Variants in SLC17A1 observed in about 807,000 individuals in gnomAD.
The protein encoded by SLC17A1 is sodium-dependent phosphate transport protein 1.
SLC17A1 carries 51 observed loss-of-function variants against 53.5 expected under a neutral mutation model. That is an observed-to-expected ratio of 0.95 (90% confidence interval 0.76 to 1.20). SLC17A1 has a LOEUF of 1.20. Among genes scored for constraint, SLC17A1 ranks in the 50% most tolerant of loss-of-function variants. SLC17A1 has a pLI of 0.00. For synonymous variants in SLC17A1, 179 were observed against 198.8 expected, an observed-to-expected ratio of 0.90 and a Z score of 0.84; for missense variants, 538 against 568.2, an observed-to-expected ratio of 0.95 and a Z score of 0.54.
chr6:25,777,709 C>T, the SLC17A1 span: 3 of 461,010 alleles, frequency 6.5e-6, no homozygotes, highest in Non-Finnish European at 1.2e-5. Context: ...CAGTCCCTAG[C>T]ACAGGATTAT....
At chr6:25,820,756 G>A (rs191661266) in intron 3 of SLC17A1, among the ~76,000 whole-genome samples, 5 of 151,918 alleles carry the variant, frequency 3.3e-5, no homozygotes, top group Non-Finnish European at 4.4e-5. Context: ...AAAATTAGCC[G>A]GGCGTGGTTG....
chr6:25,789,799 T>A (rs1240483718), intron 12 of SLC17A1, among the ~76,000 whole-genome samples: 2 of 151,906 alleles, frequency 1.3e-5, no homozygotes, highest in Non-Finnish European at 2.9e-5. Flanking sequence ...AAATGCAACA[T>A]GAAATTCTGA....
chr6:25,724,248 A>G, the SLC17A1 span, among the ~76,000 whole-genome samples: 1 of 152,136 alleles, frequency 6.6e-6, no homozygotes, highest in African/African-American at 2.4e-5. Context: ...ACATGGCGAA[A>G]CCCTGTCTCT....
rs1001450002 is a variant in SLC17A1, at chr6:25,782,989, G to A, written c.*232C>T. The A allele has an allele frequency of 6.6e-6, 1 of 152,178 alleles. No individual in the cohort carries two copies. Among genetic ancestry groups the A allele is most frequent in the African/African-American group, 2.4e-5 (1 of 41,428 alleles). 9.4% of individuals were successfully genotyped at this position (152,178 alleles called of 1,614,324 possible). ...CAACTGATGCAGAGAGGAAGACTGA[G>A]ATAAATCACCACCCCCATTTAAAAT... On this transcript the variant is annotated 3_prime_UTR_variant, in exon 13 of 13. Transcript: ENST00000244527.
chr6:25,732,205 G>T, the SLC17A1 span: 1 of 357,656 alleles, frequency 2.8e-6, no homozygotes, highest in South Asian at 3.0e-5. Flanking sequence ...ACTGATGTTT[G>T]ACTGGAGTGA....
chr6:25,802,851 C>A (rs574882244), intron 10 of SLC17A1, among the ~76,000 whole-genome samples: 7 of 149,904 alleles, frequency 4.7e-5, no homozygotes, highest in Non-Finnish European at 7.4e-5. Flanking sequence ...TTAGCAGTTT[C>A]ACTAGATAGG....
chr6:25,818,413 C>T (rs1764434393), intron 6 of SLC17A1, among the ~76,000 whole-genome samples: 2 of 152,172 alleles, frequency 1.3e-5, no homozygotes, highest in Admixed American at 1.3e-4. Context: ...CCTAGAATTT[C>T]ACCGGATCTC....
At chr6:25,819,946 C>T in intron 3 of SLC17A1, 31 bp from the exon 4 acceptor site, 1 of 1,418,052 alleles carries the variant, frequency 7.1e-7, no homozygotes, top group Non-Finnish European at 9.7e-7. Context: ...TGTCGAATCA[C>T]TCTGCATATC....
rs34669145 is a variant in SLC17A1, at chr6:25,802,935, C to CTTTTTTTTTTTTTTTTTT, written c.1179-1973_1179-1956dup. 8.2e-4 allele frequency among the ~76,000 whole-genome samples: 38 copies of CTTTTTTTTTTTTTTTTTT among 46,096 alleles called. 7 individuals are homozygous for CTTTTTTTTTTTTTTTTTT. Among genetic ancestry groups the CTTTTTTTTTTTTTTTTTT allele is most frequent in the African/African-American group, 3.0e-3 (33 of 11,108 alleles). The allele number at this position is 46,096 out of a possible 152,430, so 30.2% of individuals were successfully genotyped here. The stretch of plus-strand genomic sequence containing the variant: ...ATGACGTTTTAACGACTATCTTCTT[C>CTTTTTTTTTTTTTTTTTT]TTTTTTTTTTTTTTTTTTTTTTTTT... On this transcript the variant is annotated intron_variant, in intron 10 of 12. Coordinates refer to ENST00000244527, the MANE Select transcript of SLC17A1 (RefSeq NM_005074.5).
At chr6:25,735,852 A>G in the SLC17A1 span, among the ~76,000 whole-genome samples, 1 of 152,206 alleles carries the variant, frequency 6.6e-6, no homozygotes, top group African/African-American at 2.4e-5. Flanking sequence ...AGGTTTAATC[A>G]ATAAAGGAAC....
At chr6:25,803,973 T>C (rs759410013) in intron 10 of SLC17A1, among the ~76,000 whole-genome samples, 24 of 152,178 alleles carry the variant, frequency 1.6e-4, no homozygotes, top group Non-Finnish European at 2.1e-4. Flanking sequence ...GATATTGAAA[T>C]TCAACTGTCT....
chr6:25,761,536 T>C, the SLC17A1 span, among the ~76,000 whole-genome samples: 2 of 152,182 alleles, frequency 1.3e-5, no homozygotes, highest in African/African-American at 4.8e-5. Context: ...TATGTATAGG[T>C]GTTTATAATA....
intron 12 of SLC17A1, among the ~76,000 whole-genome samples, chr6:25,793,647 A>G (rs963979859): frequency 6.6e-6 from 1 of 152,172 alleles, no homozygotes; most frequent in Admixed American, 6.5e-5. Context: ...CAGCACCTAC[A>G]AAAGTGCTTA....
the SLC17A1 span, among the ~76,000 whole-genome samples, chr6:25,765,697 G>C: frequency 1.3e-5 from 2 of 152,128 alleles, no homozygotes; most frequent in African/African-American, 4.8e-5. Context: ...GCAGCAAGGA[G>C]AAGATAGATT....
downstream of SLC17A1, chr6:25,778,046 T>C: frequency 6.4e-7 from 1 of 1,573,400 alleles, no homozygotes; most frequent in Non-Finnish European, 8.7e-7. Context: ...TGAATATTCA[T>C]AAAAGAAACC....
chr6:25,809,955 A>G (rs1764094910), intron 10 of SLC17A1, among the ~76,000 whole-genome samples: 1 of 152,116 alleles, frequency 6.6e-6, no homozygotes, highest in Admixed American at 6.6e-5. Flanking sequence ...GTCCAGAAAT[A>G]AATCCAACAT....
At chr6:25,768,517 C>G in the SLC17A1 span, 1 of 423,592 alleles carries the variant, frequency 2.4e-6, no homozygotes, top group Non-Finnish European at 3.2e-6. Context: ...TTTCATCTCT[C>G]CCCAGCCCCA....
chr6:25,726,092 T>C, the SLC17A1 span: 7 of 1,482,522 alleles, frequency 4.7e-6, no homozygotes, highest in South Asian at 1.4e-5. Flanking sequence ...CCTTTTGTTT[T>C]TTCTGACACA....
chr6:25,754,690 G>T, the SLC17A1 span: 6 of 152,052 alleles, frequency 3.9e-5, no homozygotes, highest in Admixed American at 3.3e-4. Context: ...AAAGGTTTTG[G>T]GTAATTATTT....
Sources: allele counts gnomAD v4.1 joint callset (sites outside exome capture counted in the v4.1 genomes callset), GRCh38; gene constraint gnomAD v4.1.1; transcripts MANE v1.5; gene names NCBI Gene and HGNC (gene_info 2026-07-23, HGNC 2026-07-21).